SLC75A1: variants seen among roughly 807,000 people sequenced by gnomAD.
SLC75A1 encodes the protein major facilitator superfamily domain containing 10.
chr4:2,933,710 C>T, the SLC75A1 span: 2 of 1,599,028 alleles, frequency 1.3e-6, no homozygotes, highest in Non-Finnish European at 1.7e-6. Flanking sequence ...TCTGATGGGC[C>T]TGGGGGGCAG....
At chr4:2,930,578 G>A in the SLC75A1 span, 5 of 556,464 alleles carry the variant, frequency 9.0e-6, no homozygotes, top group Non-Finnish European at 1.6e-5. Flanking sequence ...AAAACAAACA[G>A]GTGCTTTATT....
At chr4:2,933,354 G>A in the SLC75A1 span, 1 of 966,784 alleles carries the variant, frequency 1.0e-6, no homozygotes, top group Non-Finnish European at 1.6e-6. Context: ...GAGCCGAGGG[G>A]GCCCCAATGG....
At chr4:2,931,511 A>C in the SLC75A1 span, 1,358 of 1,595,238 alleles carry the variant, frequency 8.5e-4, 2 homozygotes, top group Non-Finnish European at 9.0e-4. Flanking sequence ...GCCCTGCAGG[A>C]CTCAGGGGAC....
chr4:2,932,217 G>GC, the SLC75A1 span: 1 of 1,553,214 alleles, frequency 6.4e-7, no homozygotes, highest in Admixed American at 2.0e-5. Flanking sequence ...ACGGACTGTG[G>GC]CCTCAAGGGT....
chr4:2,931,161 A>C, the SLC75A1 span: 9 of 1,557,318 alleles, frequency 5.8e-6, no homozygotes, highest in African/African-American at 1.4e-5. Flanking sequence ...CTGTGGGAAG[A>C]GGCACAGTCA....
the SLC75A1 span, chr4:2,932,086 A>T: frequency 6.2e-7 from 1 of 1,611,236 alleles, no homozygotes; most frequent in Non-Finnish European, 8.5e-7. Context: ...GACAGCCGAG[A>T]AGCGCAGCAG....
At chr4:2,930,619 A>C in the SLC75A1 span, 1 of 593,376 alleles carries the variant, frequency 1.7e-6, no homozygotes, top group East Asian at 2.9e-5. Flanking sequence ...CATAGTTTAA[A>C]AAACAAACAG....
At chr4:2,930,863 G>A in the SLC75A1 span, 34 of 1,612,962 alleles carry the variant, frequency 2.1e-5, no homozygotes, top group Admixed American at 2.0e-4. Flanking sequence ...CGTCTGTGCC[G>A]GGTAACTCAG....
At chr4:2,933,661 G>C in the SLC75A1 span, 2 of 1,613,612 alleles carry the variant, frequency 1.2e-6, no homozygotes, top group African/African-American at 2.7e-5. Context: ...CATAGAGGGG[G>C]TCCTAGGGGA....
the SLC75A1 span, chr4:2,932,374 C>T: frequency 6.2e-7 from 1 of 1,613,358 alleles, no homozygotes; most frequent in Non-Finnish European, 8.5e-7. Flanking sequence ...GGCAGCGTCT[C>T]TGGCAGGAAG....
At chr4:2,934,173 C>T in the SLC75A1 span, 2 of 569,682 alleles carry the variant, frequency 3.5e-6, no homozygotes, top group African/African-American at 1.9e-5. Flanking sequence ...GGCAACGGTC[C>T]TGAGAGACCA....
the SLC75A1 span, chr4:2,932,595 C>G: frequency 6.2e-7 from 1 of 1,613,176 alleles, no homozygotes; most frequent in Non-Finnish European, 8.5e-7. Flanking sequence ...AGCCTGTGCA[C>G]TTACCATGCC....
chr4:2,930,935 G>A, the SLC75A1 span: 2 of 1,612,982 alleles, frequency 1.2e-6, no homozygotes, highest in Non-Finnish European at 8.5e-7. Context: ...GCAGGCCTGG[G>A]CCCCGGCCAG....
chr4:2,934,281 G>GGATCCGGATCCC, the SLC75A1 span: 2 of 261,716 alleles, frequency 7.6e-6, no homozygotes, highest in African/African-American at 2.3e-5. Flanking sequence ...CGGGGAACCC[G>GGATCCGGATCCC]GATCCCGATC....
the SLC75A1 span, chr4:2,931,697 G>A: frequency 1.3e-6 from 2 of 1,592,994 alleles, no homozygotes; most frequent in East Asian, 2.3e-5. Flanking sequence ...GGGCACCCGG[G>A]GCAGGGCCAC....
chr4:2,932,587 C>A, the SLC75A1 span: 3 of 1,613,042 alleles, frequency 1.9e-6, no homozygotes, highest in East Asian at 6.7e-5. Context: ...AAAGGCCCAG[C>A]CTGTGCACTT....
chr4:2,931,582 A>G, the SLC75A1 span: 1 of 1,613,170 alleles, frequency 6.2e-7, no homozygotes, highest in Non-Finnish European at 8.5e-7. Context: ...CTTCCCCGCC[A>G]GGGTGGATCC....
chr4:2,933,888 G>T, the SLC75A1 span: 1 of 1,578,116 alleles, frequency 6.3e-7, no homozygotes, highest in Non-Finnish European at 8.6e-7. Flanking sequence ...GGATGGGTGG[G>T]CGCGGGGTGC....
the SLC75A1 span, chr4:2,934,128 C>A: frequency 1.6e-6 from 1 of 618,736 alleles, no homozygotes; most frequent in East Asian, 2.8e-5. Flanking sequence ...GCAGGAAACG[C>A]AGGCTTCGGG....
Sources: allele counts gnomAD v4.1 joint callset, GRCh38; gene constraint gnomAD v4.1.1; transcripts MANE v1.5; gene names NCBI Gene and HGNC (gene_info 2026-07-23, HGNC 2026-07-21).